CNTNAP2: variants seen among roughly 807,000 people sequenced by gnomAD.
CNTNAP2 encodes contactin associated protein 2.
Under a neutral mutation model 155.2 loss-of-function variants are expected in CNTNAP2, and 98 were observed. That is an observed-to-expected ratio of 0.63 (90% CI 0.54 to 0.75). The LOEUF (loss-of-function observed/expected upper bound fraction) is 0.75. CNTNAP2 is among the 30% of genes least tolerant of loss of function. The pLI, the probability that CNTNAP2 is intolerant of heterozygous loss-of-function variation, is 0.00. For missense variants in CNTNAP2, 1,727 were observed against 1,688.1 expected (o/e 1.02, Z -0.40); for synonymous variants, 651 against 631.2 (o/e 1.03, Z -0.47).
intron 1 of CNTNAP2, among the ~76,000 whole-genome samples, chr7:146,470,527 G>T (rs917304647): frequency 6.6e-6 from 1 of 151,720 alleles, no homozygotes; most frequent in East Asian, 1.9e-4. Flanking sequence ...ATTTTTCTTG[G>T]TTGTGTTTCT....
At chr7:147,965,132 A>G (rs1358550901) in intron 14 of CNTNAP2, among the ~76,000 whole-genome samples, 4 of 152,148 alleles carry the variant, frequency 2.6e-5, no homozygotes, top group Non-Finnish European at 5.9e-5. Flanking sequence ...AGGACCCTGG[A>G]GTGTAACTTT....
At chr7:148,086,848 C>T (rs1803740907) in intron 15 of CNTNAP2, among the ~76,000 whole-genome samples, 1 of 152,160 alleles carries the variant, frequency 6.6e-6, no homozygotes, top group Non-Finnish European at 1.5e-5. Flanking sequence ...TTAAGCTGCA[C>T]TTAAATCCAC....
chr7:147,752,724 C>A (rs16883690), intron 13 of CNTNAP2, among the ~76,000 whole-genome samples: 16,783 of 152,146 alleles, frequency 0.11, 2,824 homozygotes, highest in African/African-American at 0.37. Context: ...ATCATAGCGT[C>A]ATGAGCCATG....
intron 1 of CNTNAP2, among the ~76,000 whole-genome samples, chr7:146,407,243 T>C (rs1310497855): frequency 1.3e-5 from 2 of 152,210 alleles, no homozygotes; most frequent in East Asian, 3.8e-4. Context: ...ATACTTAATT[T>C]CTAGTTGTTT....
At chr7:147,499,016 T>C (rs1214496884) in intron 11 of CNTNAP2, among the ~76,000 whole-genome samples, 1 of 152,160 alleles carries the variant, frequency 6.6e-6, no homozygotes, top group Admixed American at 6.5e-5. Flanking sequence ...GCAGTCTCTC[T>C]GTTGAGCAGT....
chr7:147,739,552 G>T (rs1318515662), intron 13 of CNTNAP2, among the ~76,000 whole-genome samples: 1 of 152,004 alleles, frequency 6.6e-6, no homozygotes, highest in African/African-American at 2.4e-5. Context: ...CTTATGGAAA[G>T]GTGAGTCTAA....
At chr7:146,120,529 T>G (rs547034087) in intron 1 of CNTNAP2, among the ~76,000 whole-genome samples, 12 of 152,346 alleles carry the variant, frequency 7.9e-5, no homozygotes, top group Non-Finnish European at 1.3e-4. Context: ...GTTATAAACC[T>G]ACAACGTATC....
chr7:146,383,041 G>A (rs901721547), intron 1 of CNTNAP2, among the ~76,000 whole-genome samples: 3 of 152,042 alleles, frequency 2.0e-5, no homozygotes, highest in Admixed American at 2.0e-4. Flanking sequence ...TAGCTGTAAA[G>A]CCTTCTGGCA....
chr7:146,402,173 C>T (rs1424466585), intron 1 of CNTNAP2, among the ~76,000 whole-genome samples: 2 of 151,962 alleles, frequency 1.3e-5, no homozygotes, highest in African/African-American at 4.8e-5. Context: ...GATGAGTGTG[C>T]GTTCATTTCA....
chr7:147,145,020 A>G (rs1801673151), intron 8 of CNTNAP2, among the ~76,000 whole-genome samples: 1 of 152,246 alleles, frequency 6.6e-6, no homozygotes, highest in Non-Finnish European at 1.5e-5. Context: ...AATAGAAAAG[A>G]TTAAATCAGT....
At chr7:146,919,985 A>G (rs1796468533) in intron 3 of CNTNAP2, among the ~76,000 whole-genome samples, 2 of 152,136 alleles carry the variant, frequency 1.3e-5, no homozygotes, top group Non-Finnish European at 2.9e-5. Context: ...TTCTCAACAT[A>G]TGGATTCTGA....
At chr7:148,284,789 G>A (rs1021031743) in intron 21 of CNTNAP2, among the ~76,000 whole-genome samples, 6 of 152,164 alleles carry the variant, frequency 3.9e-5, no homozygotes, top group Non-Finnish European at 8.8e-5. Context: ...TGGAGAGCTT[G>A]AAGGTTAACA....
intron 13 of CNTNAP2, among the ~76,000 whole-genome samples, chr7:147,750,288 A>G (rs1200519873): frequency 6.6e-6 from 1 of 152,224 alleles, no homozygotes; most frequent in Non-Finnish European, 1.5e-5. Flanking sequence ...TGAACAAGCT[A>G]TCAAATAGCA....
intron 18 of CNTNAP2, among the ~76,000 whole-genome samples, chr7:148,184,019 C>A (rs1795079290): frequency 1.3e-5 from 2 of 152,142 alleles, no homozygotes; most frequent in African/African-American, 4.8e-5. Flanking sequence ...CGTCTCCTTG[C>A]AGTTTTTTCC....
At chr7:146,143,730 C>T (rs1444378978) in intron 1 of CNTNAP2, among the ~76,000 whole-genome samples, 1 of 151,854 alleles carries the variant, frequency 6.6e-6, no homozygotes, top group African/African-American at 2.4e-5. Context: ...AGTTTACAGT[C>T]TTCTTACTTT....
intron 13 of CNTNAP2, among the ~76,000 whole-genome samples, chr7:147,889,872 C>A (rs1799658660): frequency 6.6e-6 from 1 of 152,102 alleles, no homozygotes; most frequent in Non-Finnish European, 1.5e-5. Flanking sequence ...ACACATAGTA[C>A]TATTAGAAAA....
chr7:148,164,968 G>A (rs762379149), intron 17 of CNTNAP2, among the ~76,000 whole-genome samples: 15 of 151,960 alleles, frequency 9.9e-5, no homozygotes, highest in Non-Finnish European at 2.2e-4. Flanking sequence ...ACTTTCCATG[G>A]AAACAGTGCA....
At chr7:147,982,015 A>G (rs1261598223) in intron 15 of CNTNAP2, among the ~76,000 whole-genome samples, 1 of 152,320 alleles carries the variant, frequency 6.6e-6, no homozygotes, top group East Asian at 1.9e-4. Context: ...TTAAAAATCA[A>G]TGATCAGGTA....
At chr7:147,141,271 C>T (rs1329526877) in intron 8 of CNTNAP2, among the ~76,000 whole-genome samples, 1 of 152,154 alleles carries the variant, frequency 6.6e-6, no homozygotes, top group Non-Finnish European at 1.5e-5. Flanking sequence ...CATCCATTAT[C>T]TCTTTACCCT....
Sources: allele counts gnomAD v4.1 joint callset (sites outside exome capture counted in the v4.1 genomes callset), GRCh38; gene constraint gnomAD v4.1.1; transcripts MANE v1.5; gene names NCBI Gene and HGNC (gene_info 2026-07-23, HGNC 2026-07-21).